The following VTI1A variants were observed in gnomAD, a reference collection of about 807,000 sequenced individuals.
The protein encoded by VTI1A is vesicle transport through interaction with t-SNAREs 1A, also known as vesicle transport through interaction with t-SNAREs homolog 1A.
Under a neutral mutation model 34.9 loss-of-function variants are expected in VTI1A, and 22 were observed. The ratio of observed to expected loss-of-function variants is 0.63; its 90% CI spans 0.45 to 0.90. The LOEUF (loss-of-function observed/expected upper bound fraction) is 0.90. VTI1A is among the 40% of genes least tolerant of loss of function. The pLI is 0.00. For missense variants in VTI1A, 268 were observed against 275.6 expected (o/e 0.97, Z 0.20); for synonymous variants, 87 against 97.3 (o/e 0.89, Z 0.62).
intron 7 of VTI1A, among the ~76,000 whole-genome samples, chr10:112,713,532 A>G (rs1027546566): frequency 6.6e-6 from 1 of 152,192 alleles, no homozygotes; most frequent in African/African-American, 2.4e-5. Context: ...GCTCAAACTC[A>G]CACAACTCTC....
chr10:112,535,096 AT>A (rs1298898293), intron 4 of VTI1A, among the ~76,000 whole-genome samples: 1 of 152,086 alleles, frequency 6.6e-6, no homozygotes, highest in Non-Finnish European at 1.5e-5. Flanking sequence ...CTTTTAAAAT[AT>A]TTTTTATTTT....
chr10:112,600,548 G>A (rs898637245), intron 5 of VTI1A, among the ~76,000 whole-genome samples: 1 of 152,090 alleles, frequency 6.6e-6, no homozygotes, highest in Admixed American at 6.5e-5. Context: ...TTCATGTGTG[G>A]CCTCTGCAGA....
chr10:112,479,623 A>C (rs1477861451), intron 3 of VTI1A, among the ~76,000 whole-genome samples: 1 of 152,214 alleles, frequency 6.6e-6, no homozygotes, highest in Non-Finnish European at 1.5e-5. Flanking sequence ...CTGTTTTGGC[A>C]TAAGACTACC....
chr10:112,546,681 T>A (rs7083252), intron 5 of VTI1A, among the ~76,000 whole-genome samples: 1,584 of 152,000 alleles, frequency 0.01, 23 homozygotes, highest in African/African-American at 0.028. Context: ...CCTTTTTTTT[T>A]AAAAAAAGAG....
At chr10:112,625,947 C>T (rs1017003110) in intron 5 of VTI1A, among the ~76,000 whole-genome samples, 3 of 152,220 alleles carry the variant, frequency 2.0e-5, no homozygotes, top group Non-Finnish European at 4.4e-5. Flanking sequence ...TAAAGCACTT[C>T]AGCAGTAGCT....
intron 5 of VTI1A, among the ~76,000 whole-genome samples, chr10:112,596,293 C>T (rs1435885464): frequency 8.0e-6 from 1 of 125,368 alleles, no homozygotes; most frequent in African/African-American, 3.3e-5. Flanking sequence ...GCACATGTAC[C>T]CTAAAACTTA....
In VTI1A at chr10:112,711,158, C is replaced by A. The variant is rs1276293615; in HGVS notation, c.560+42160C>A. On this transcript the variant is annotated intron_variant, in intron 7 of 7. Transcript: ENST00000393077. ...AAATCAATGAGTTAATGAATAGCTT[C>A]ATTTTGAAAACTTTTAAAATATTTT... is the stretch of plus-strand genomic sequence containing the variant. 2.0e-5 allele frequency among the ~76,000 whole-genome samples: 3 copies of A among 152,208 alleles called. No individual in the cohort carries two copies. In the East Asian group the frequency reaches 5.8e-4, roughly 29 times the overall value.
chr10:112,758,471 C>T (rs756029192), intron 7 of VTI1A, among the ~76,000 whole-genome samples: 44 of 152,270 alleles, frequency 2.9e-4, no homozygotes, highest in Middle Eastern at 6.8e-3. Context: ...AATCAGAACC[C>T]GTGGCACAGG....
At chr10:112,660,738 A>C (rs1336963616) in intron 5 of VTI1A, among the ~76,000 whole-genome samples, 2 of 152,184 alleles carry the variant, frequency 1.3e-5, no homozygotes, top group Non-Finnish European at 2.9e-5. Context: ...GGTACTGTGT[A>C]ATATTGCAGA....
intron 5 of VTI1A, among the ~76,000 whole-genome samples, chr10:112,624,321 A>G (rs1216179783): frequency 1.3e-5 from 2 of 152,170 alleles, no homozygotes; most frequent in Non-Finnish European, 2.9e-5. Flanking sequence ...GAAATGAGCC[A>G]TTGTGTCTCC....
intron 5 of VTI1A, among the ~76,000 whole-genome samples, chr10:112,642,326 C>T (rs1287783445): frequency 3.3e-5 from 5 of 152,076 alleles, no homozygotes; most frequent in Non-Finnish European, 7.4e-5. Flanking sequence ...TGAGGAACTC[C>T]GCACAAAATG....
intron 3 of VTI1A, among the ~76,000 whole-genome samples, chr10:112,466,060 A>T (rs1847884528): frequency 6.6e-6 from 1 of 152,234 alleles, no homozygotes; most frequent in South Asian, 2.1e-4. Context: ...GATACAGGCG[A>T]GGAAAGATCT....
At chr10:112,746,248 C>G (rs1850892159) in intron 7 of VTI1A, among the ~76,000 whole-genome samples, 1 of 152,202 alleles carries the variant, frequency 6.6e-6, no homozygotes, top group Non-Finnish European at 1.5e-5. Context: ...CCATGTTGCT[C>G]CTCATTCATC....
At chr10:112,479,396 G>C (rs1414276934) in intron 3 of VTI1A, among the ~76,000 whole-genome samples, 2 of 151,912 alleles carry the variant, frequency 1.3e-5, no homozygotes, top group East Asian at 3.9e-4. Flanking sequence ...CCCTGCTTCT[G>C]CCGCAGCACA....
At chr10:112,691,154 G>T (rs541532039) in intron 7 of VTI1A, among the ~76,000 whole-genome samples, 1 of 152,062 alleles carries the variant, frequency 6.6e-6, no homozygotes, top group South Asian at 2.1e-4. Context: ...CCAGCTGCTT[G>T]GGAGGCTGAG....
chr10:112,782,026 G>C (rs1195602378), intron 7 of VTI1A, among the ~76,000 whole-genome samples: 1 of 152,138 alleles, frequency 6.6e-6, no homozygotes, highest in African/African-American at 2.4e-5. Flanking sequence ...ACTGACACAA[G>C]TCCCCTCTTC....
intron 7 of VTI1A, among the ~76,000 whole-genome samples, chr10:112,715,653 C>G (rs769094544): frequency 2.0e-5 from 3 of 152,096 alleles, no homozygotes; most frequent in Non-Finnish European, 4.4e-5. Flanking sequence ...ACTTCCTTTT[C>G]CCTGCCAGAT....
chr10:112,493,101 T>C (rs554333533), intron 3 of VTI1A, among the ~76,000 whole-genome samples: 26 of 152,340 alleles, frequency 1.7e-4, no homozygotes, highest in Non-Finnish European at 3.5e-4. Flanking sequence ...TTAAAAATAC[T>C]ACATCTTCCA....
At position 112,611,737 on chromosome 10, in the gene VTI1A, A is replaced by ATTTTTTTTTTTTTTTTTTTTTTTTT. The variant is rs3057346; in HGVS notation, c.428-56459_428-56458insTTTTTTTTTTTTTTTTTTTTTTTTT. Among the ~76,000 whole-genome samples, 101 of 100,778 alleles carry ATTTTTTTTTTTTTTTTTTTTTTTTT rather than the reference A, an allele frequency of 1.0e-3. 2 individuals carry two copies. The highest frequency in any genetic ancestry group is 1.2e-3 in the Non-Finnish European group (63 of 52,142). 66.1% of individuals were successfully genotyped at this position (100,778 alleles called of 152,430 possible). A position where few individuals can be genotyped will look rare whatever the true frequency, so the allele number is the denominator to read the frequency against. On this transcript the variant is annotated intron_variant, in intron 5 of 7. Transcript: ENST00000393077. ...TAAAGCCCATTTGGTGAGAAAGGTAATTTTTTTTTTTTTTTTTTTTTTGTG... is the reference window on the plus strand; with the variant it reads ...TAAAGCCCATTTGGTGAGAAAGGTAATTTTTTTTTTTTTTTTTTTTTTTTTTTTTTTTTTTTTTTTTTTTTTTGTG...
Sources: gnomAD v4.1 joint callset for allele counts (sites outside exome capture counted in the v4.1 genomes callset) on GRCh38, gnomAD v4.1.1 for gene constraint, MANE v1.5 for transcripts, NCBI Gene and HGNC (gene_info 2026-07-23, HGNC 2026-07-21) for gene names.